Variants in PDE9A observed in about 807,000 individuals in gnomAD.
PDE9A encodes the protein high affinity cGMP-specific 3',5'-cyclic phosphodiesterase 9A.
A neutral mutation model predicts 87.4 loss-of-function variants in PDE9A; 60 were observed. The ratio of observed to expected loss-of-function variants is 0.69; its 90% confidence interval spans 0.56 to 0.85. PDE9A has a LOEUF of 0.85. Ranked by LOEUF, PDE9A falls within the 40% of genes least tolerant of loss-of-function variation. The pLI is 0.00. For missense variants in PDE9A, 665 were observed against 779.0 expected, an observed-to-expected ratio of 0.85 and a Z score of 1.74; for synonymous variants, 272 against 279.4, an observed-to-expected ratio of 0.97 and a Z score of 0.27.
intron 1 of PDE9A, among the ~76,000 whole-genome samples, chr21:42,671,212 G>T (rs772046665): frequency 6.6e-6 from 1 of 152,186 alleles, no homozygotes; most frequent in Non-Finnish European, 1.5e-5. Context: ...GACAGGTGTT[G>T]AAGCTGTGGG....
chr21:42,733,381 G>A lies in PDE9A; in HGVS notation c.523G>A (p.Ala175Thr). The A allele has an allele frequency of 6.2e-7, 1 of 1,601,548 alleles. No homozygotes were observed. The highest frequency in any genetic ancestry group is 8.6e-7 in the Non-Finnish European group (1 of 1,168,492). The change falls in exon 7 of 20, where the codon GCT (alanine) becomes ACT (threonine). Residue 175 changes from alanine to threonine, a missense_variant. Physicochemically the swap from Ala to Thr is moderately conservative, Grantham distance 58. Transcript: ENST00000291539. ...SRAFKINELKAEVANHLAVLE... is the reference protein window; with the variant it reads ...SRAFKINELKTEVANHLAVLE... ...AGCATTCAAAATCAATGAACTGAAA[G>A]CTGAAGTTGCAAATCACTTGGCTGT...
rs372769684 is a variant in PDE9A, at chr21:42,759,584, C to T, written c.897+499C>T. Among the ~76,000 whole-genome samples, 53 of 144,004 alleles carry T rather than the reference C, an allele frequency of 3.7e-4. No individual in the cohort carries two copies. In the East Asian group the frequency reaches 5.6e-3, roughly 15 times the overall value. 94.5% of individuals were successfully genotyped at this position (144,004 alleles called of 152,430 possible). A position where few individuals can be genotyped will look rare whatever the true frequency, so the allele number is the denominator to read the frequency against. On this transcript the variant is annotated intron_variant, in intron 11 of 19. Transcript: ENST00000291539. This position sits in a 1 kb window ranked among gnomAD's most constrained non-coding sequence, Gnocchi z 7.2. ...GTGAGCATGGGGGTATCTGAGTTTA[C>T]GGGTGGGTGTGTGTGAATGTGTGGT... is the stretch of plus-strand genomic sequence containing the variant.
Position 42,675,974 on chromosome 21 carries a change from T to G in PDE9A, c.70-10218T>G, listed in dbSNP as rs2146034867. On this transcript the variant is annotated intron_variant, in intron 1 of 19. Coordinates refer to ENST00000291539, the MANE Select transcript of PDE9A (RefSeq NM_002606.3). The surrounding 1 kb of genome is among the most constrained non-coding windows in gnomAD (Gnocchi z 4.3). ...TGGTTTAGTGCCATCCCCTTGGTGC[T>G]ATCCTTGAGATAGTGAATTCTTGCA... is the stretch of plus-strand genomic sequence containing the variant. Among the ~76,000 whole-genome samples the G allele has an allele frequency of 6.6e-6, 1 of 152,354 alleles. No homozygotes were observed. Among genetic ancestry groups the G allele is most frequent in the African/African-American group, 2.4e-5 (1 of 41,584 alleles).
chr21:42,666,095 A>G (rs1327606132), intron 1 of PDE9A, among the ~76,000 whole-genome samples: 2 of 152,228 alleles, frequency 1.3e-5, no homozygotes, highest in Admixed American at 6.5e-5. Flanking sequence ...AGGGGAAAGC[A>G]GCCCTGGGGT....
rs796706423 is a variant in PDE9A, at chr21:42,759,220, G to A, written c.897+135G>A. 2.0e-5 allele frequency: 13 copies of A among 662,176 alleles called. No homozygotes were observed. Among genetic ancestry groups the A allele is most frequent in the Non-Finnish European group, 1.9e-5 (7 of 366,324 alleles). The allele number at this position is 662,176 out of a possible 1,614,324, so 41.0% of individuals were successfully genotyped here. ...CTGTGAGCAGAGGTGACATTTCCCC[G>A]GGAGTTCTGTGAGGACACTCAGCCT... On this transcript the variant is annotated intron_variant, in intron 11 of 19. Coordinates refer to ENST00000291539, the MANE Select transcript of PDE9A (RefSeq NM_002606.3). This position sits in a 1 kb window ranked among gnomAD's most constrained non-coding sequence, Gnocchi z 7.2.
At chr21:42,684,786 C>G (rs937675550) in intron 1 of PDE9A, among the ~76,000 whole-genome samples, 2 of 152,166 alleles carry the variant, frequency 1.3e-5, no homozygotes, top group Admixed American at 1.3e-4. Flanking sequence ...CACGCAATGA[C>G]ACAGGCCACC....
intron 1 of PDE9A, among the ~76,000 whole-genome samples, chr21:42,662,775 CACCA>C (rs1300798051): frequency 1.6e-5 from 2 of 127,292 alleles, no homozygotes; most frequent in Non-Finnish European, 1.6e-5. Context: ...CAAGGACACA[CACCA>C]CACACACACA....
intron 10 of PDE9A, among the ~76,000 whole-genome samples, chr21:42,754,273 G>A (rs891639898): frequency 6.6e-6 from 1 of 152,192 alleles, no homozygotes; most frequent in South Asian, 2.1e-4. Flanking sequence ...TCACAGCAAG[G>A]GGATTCTGTG....
chr21:42,746,049 T>TA (rs977729969), intron 8 of PDE9A, among the ~76,000 whole-genome samples: 1 of 152,124 alleles, frequency 6.6e-6, no homozygotes, highest in African/African-American at 2.4e-5. Flanking sequence ...TCTTATCCCT[T>TA]AAACGACTGC....
intron 7 of PDE9A, chr21:42,734,321 T>G (rs1385635812): frequency 6.6e-6 from 1 of 152,186 alleles, no homozygotes; most frequent in Non-Finnish European, 1.5e-5. Context: ...GAAAACAGCT[T>G]CAAGTCACCC....
chr21:42,765,319 G>A, intron 14 of PDE9A, 62 bp from the exon 15 acceptor site: 1 of 887,362 alleles, frequency 1.1e-6, no homozygotes, highest in Non-Finnish European at 1.8e-6. Context: ...TACACAGTAG[G>A]CCTCCGCTGA....
At position 42,695,241 on chromosome 21, in the gene PDE9A, C is replaced by CA. The variant is rs1224092589; in HGVS notation, c.219-3725dup. ...CCAACAAATATAAAAAGTCATAGCC[C>CA]AACCATGATCAAATAAGGCTCCAGC... On this transcript the variant is annotated intron_variant, in intron 3 of 19. Coordinates refer to ENST00000291539, the MANE Select transcript of PDE9A (RefSeq NM_002606.3). The surrounding 1 kb of genome is among the most constrained non-coding windows in gnomAD (Gnocchi z 4.3). Among the ~76,000 whole-genome samples, 1 of 152,192 alleles carries CA rather than the reference C, an allele frequency of 6.6e-6. No homozygotes were observed. The highest frequency in any genetic ancestry group is 2.4e-5 in the African/African-American group (1 of 41,434).
chr21:42,743,205 T>C (rs1049186424), intron 7 of PDE9A, among the ~76,000 whole-genome samples: 1 of 152,222 alleles, frequency 6.6e-6, no homozygotes, highest in Non-Finnish European at 1.5e-5. Flanking sequence ...TGTGATCAAG[T>C]CCAAGTTCTG....
chr21:42,731,856 C>A lies in PDE9A; in HGVS notation c.349C>A (p.Pro117Thr). The A allele has an allele frequency of 6.2e-7, 1 of 1,614,186 alleles. No homozygotes were observed. Among genetic ancestry groups the A allele is most frequent in the Non-Finnish European group, 8.5e-7 (1 of 1,180,016 alleles). The change falls in exon 5 of 20, where the codon CCC (proline) becomes ACC (threonine). Residue 117 changes from proline (P) to threonine (T), a missense_variant. By Grantham distance (38) the Pro-to-Thr change is conservative (BLOSUM62 -1). Transcript: ENST00000291539. ...CAGACGGGTTGTGGGCCTGGAGCAG[C>A]CCCGGAGGGAAGGAGCATTTGAAAG... ...RDRRVVGLEQPRREGAFESGQ... is the reference protein window; with the variant it reads ...RDRRVVGLEQTRREGAFESGQ...
intron 4 of PDE9A, among the ~76,000 whole-genome samples, chr21:42,711,056 G>A (rs965895978): frequency 1.3e-5 from 2 of 152,158 alleles, no homozygotes; most frequent in African/African-American, 4.8e-5. Context: ...TCACTGGTTT[G>A]TAGGAAACTC....
intron 14 of PDE9A, among the ~76,000 whole-genome samples, chr21:42,762,666 A>G (rs992208043): frequency 6.6e-6 from 1 of 151,934 alleles, no homozygotes; most frequent in Non-Finnish European, 1.5e-5. Context: ...CCTGCCACCC[A>G]CAGCCCAGTC....
chr21:42,710,881 G>A (rs1429653942), intron 4 of PDE9A, among the ~76,000 whole-genome samples: 6 of 152,090 alleles, frequency 3.9e-5, no homozygotes, highest in Admixed American at 2.0e-4. Context: ...CCAGGTACTC[G>A]AGAGGCTGAG....
intron 1 of PDE9A, among the ~76,000 whole-genome samples, chr21:42,670,816 C>T (rs2058522021): frequency 6.6e-6 from 1 of 152,108 alleles, no homozygotes; most frequent in South Asian, 2.1e-4. Flanking sequence ...CATACATTCA[C>T]ACACACACGG....
intron 1 of PDE9A, among the ~76,000 whole-genome samples, chr21:42,676,330 C>T (rs2058842014): frequency 6.6e-6 from 1 of 151,986 alleles, no homozygotes; most frequent in Admixed American, 6.6e-5. Context: ...ACTCTTACAT[C>T]CACAACCACA....
Sources: gnomAD v4.1 joint callset for allele counts (sites outside exome capture counted in the v4.1 genomes callset) on GRCh38, gnomAD v4.1.1 for gene constraint, Gnocchi (gnomAD v3.1) non-coding constraint, MANE v1.5 for transcripts, NCBI Gene and HGNC (gene_info 2026-07-23, HGNC 2026-07-21) for gene names.